FGF1: variants seen among roughly 807,000 people sequenced by gnomAD.
FGF1 encodes the protein fibroblast growth factor 1, also known as beta-endothelial cell growth factor.
FGF1 carries 9 observed loss-of-function variants against 13.4 expected under a neutral mutation model. That is an observed-to-expected ratio of 0.67 (90% CI 0.40 to 1.17). The LOEUF (loss-of-function observed/expected upper bound fraction) is 1.17, where lower values mean the gene tolerates loss of function less well. Among genes scored for constraint, FGF1 ranks in the 50% most tolerant of loss-of-function variants. FGF1 has a pLI of 0.01. For missense variants in FGF1, 156 were observed against 192.7 expected, an observed-to-expected ratio of 0.81 and a Z score of 1.13; for synonymous variants, 93 against 79.0, an observed-to-expected ratio of 1.18 and a Z score of -0.94.
intron 1 of FGF1, among the ~76,000 whole-genome samples, chr5:142,656,794 C>T (rs1768256235): frequency 1.3e-5 from 2 of 152,144 alleles, no homozygotes; most frequent in African/African-American, 4.8e-5. Context: ...ATTTAAAAAT[C>T]ATATATCTAT....
At chr5:142,656,978 C>T (rs1315354540) in intron 1 of FGF1, among the ~76,000 whole-genome samples, 3 of 151,940 alleles carry the variant, frequency 2.0e-5, no homozygotes, top group East Asian at 1.9e-4. Flanking sequence ...AGTGCAATGG[C>T]GAGATCTTGG....
intron 1 of FGF1, among the ~76,000 whole-genome samples, 195 bp from the exon 2 acceptor site, chr5:142,614,356 G>A (rs1759749727): frequency 6.6e-6 from 1 of 152,122 alleles, no homozygotes; most frequent in African/African-American, 2.4e-5. Context: ...GGCCTGGGAG[G>A]GGTTTCCAGG....
In FGF1 at chr5:142,592,315, C is replaced by G. The variant is rs2151796745; in HGVS notation, c.*2975G>C. ...TGAGTTTAGTTGTCAGCAGTACACT[C>G]AAGGCTGAGGACTTGGCGCCTTGGG... On this transcript the variant is annotated 3_prime_UTR_variant, in exon 4 of 4. Coordinates refer to ENST00000337706, the MANE Select transcript of FGF1 (RefSeq NM_000800.5). The G allele has an allele frequency of 2.5e-6, 1 of 398,572 alleles. No individual in the cohort carries two copies. The highest frequency in any genetic ancestry group is 1.3e-4 in the South Asian group (1 of 7,842). The allele number at this position is 398,572 out of a possible 1,614,324, so 24.7% of individuals were successfully genotyped here.
chr5:142,607,603 C>T (rs933866923), intron 2 of FGF1, among the ~76,000 whole-genome samples: 3 of 152,104 alleles, frequency 2.0e-5, no homozygotes, highest in South Asian at 2.1e-4. Flanking sequence ...TAAAAATGTA[C>T]GGGAAGAGGG....
exon 1 of FGF1, chr5:142,697,988 C>T (rs1309442021): frequency 6.6e-6 from 1 of 152,238 alleles, no homozygotes; most frequent in Non-Finnish European, 1.5e-5. Flanking sequence ...GGCACTTGGG[C>T]CCCTACAAGT....
intron 1 of FGF1, among the ~76,000 whole-genome samples, chr5:142,632,319 G>A (rs1281508577): frequency 2.0e-5 from 3 of 152,180 alleles, no homozygotes; most frequent in African/African-American, 7.2e-5. Flanking sequence ...TAACCAAAAT[G>A]ACTAAGGAGA....
chr5:142,641,221 T>C (rs1173595832), intron 1 of FGF1, among the ~76,000 whole-genome samples: 1 of 152,068 alleles, frequency 6.6e-6, no homozygotes, highest in Admixed American at 6.5e-5. Context: ...CTGCCTATTT[T>C]GCTGTTTTGG....
chr5:142,688,812 C>A (rs184610771), upstream of FGF1, among the ~76,000 whole-genome samples: 6 of 152,170 alleles, frequency 3.9e-5, no homozygotes, highest in Non-Finnish European at 5.9e-5. Context: ...CCTTTCGCAT[C>A]CTAACAGATG....
rs1754992395 is a variant in FGF1, at chr5:142,595,162, TG to T, written c.*127del. Reference sequence around the variant, plus strand: ...GTGAACTGGGCATTTAGAAGCAAGTTGCTTACAAATTCAGGCTCTGTGGGCT... The same window carrying T: ...GTGAACTGGGCATTTAGAAGCAAGTTCTTACAAATTCAGGCTCTGTGGGCT... On this transcript the variant is annotated 3_prime_UTR_variant, in exon 4 of 4. Coordinates refer to ENST00000337706, the MANE Select transcript of FGF1 (RefSeq NM_000800.5). 1.4e-6 allele frequency: 1 copy of T among 712,796 alleles called. No homozygotes were observed. Among genetic ancestry groups the T allele is most frequent in the Admixed American group, 2.8e-5 (1 of 35,414 alleles). The allele number at this position is 712,796 out of a possible 1,614,324, so 44.2% of individuals were successfully genotyped here.
chr5:142,597,216 G>GT (rs1385445205), intron 3 of FGF1, among the ~76,000 whole-genome samples: 5 of 152,188 alleles, frequency 3.3e-5, no homozygotes, highest in African/African-American at 1.2e-4. Context: ...TTTACAAGAT[G>GT]TATTACCTTT....
chr5:142,685,543 G>A (rs1750969012), intron 1 of FGF1: 1 of 152,226 alleles, frequency 6.6e-6, no homozygotes, highest in Non-Finnish European at 1.5e-5. Context: ...CGAACCTCAA[G>A]GGCTGCATCC....
intron 1 of FGF1, among the ~76,000 whole-genome samples, chr5:142,629,555 C>G (rs1378406960): frequency 6.6e-6 from 1 of 152,156 alleles, no homozygotes; most frequent in Admixed American, 6.5e-5. Flanking sequence ...AGGAAGCCCT[C>G]CTGACTTCCT....
intron 1 of FGF1, among the ~76,000 whole-genome samples, chr5:142,676,079 A>G (rs1772545723): frequency 6.6e-6 from 1 of 152,200 alleles, no homozygotes; most frequent in South Asian, 2.1e-4. Flanking sequence ...TAGGCTCCTG[A>G]CATGAGGATT....
At chr5:142,659,945 C>CCACTG (rs1268387481) in intron 1 of FGF1, among the ~76,000 whole-genome samples, 1 of 152,286 alleles carries the variant, frequency 6.6e-6, no homozygotes, top group East Asian at 1.9e-4. Flanking sequence ...CCAGAGCAGG[C>CCACTG]CTCTGAAAGT....
At chr5:142,678,834 ACTGACAGGAGAGTCCCTATT>A (rs1195647579) in intron 1 of FGF1, among the ~76,000 whole-genome samples, 1 of 152,192 alleles carries the variant, frequency 6.6e-6, no homozygotes, top group Non-Finnish European at 1.5e-5. Context: ...AATTAGCTGT[ACTGACAGGAGAGTCCCTATT>A]CAGACCCTTC....
chr5:142,629,198 CA>C (rs1345038803), intron 1 of FGF1, among the ~76,000 whole-genome samples: 1 of 152,188 alleles, frequency 6.6e-6, no homozygotes, highest in Non-Finnish European at 1.5e-5. Flanking sequence ...CTCTGTTCCC[CA>C]GGCTTTAGTG....
At chr5:142,642,604 T>G (rs1316254724) in intron 1 of FGF1, among the ~76,000 whole-genome samples, 1 of 152,244 alleles carries the variant, frequency 6.6e-6, no homozygotes, top group Admixed American at 6.5e-5. Context: ...GCATACGGTA[T>G]GCCAAGAGTG....
At chr5:142,611,206 C>T (rs1758970882) in intron 2 of FGF1, among the ~76,000 whole-genome samples, 1 of 152,144 alleles carries the variant, frequency 6.6e-6, no homozygotes, top group East Asian at 1.9e-4. Flanking sequence ...TTCTGAATAA[C>T]CCTTGAAACT....
At chr5:142,685,843 G>T (rs909123290) in intron 1 of FGF1, 114 bp downstream of exon 1, 1 of 150,710 alleles carries the variant, frequency 6.6e-6, no homozygotes, top group African/African-American at 2.5e-5. Flanking sequence ...TCTCCAAGTA[G>T]CATTACATTT....
Sources: allele counts gnomAD v4.1 joint callset (sites outside exome capture counted in the v4.1 genomes callset), GRCh38; gene constraint gnomAD v4.1.1; transcripts MANE v1.5; gene names NCBI Gene and HGNC (gene_info 2026-07-23, HGNC 2026-07-21).